GPR139: variants seen among roughly 807,000 people sequenced by gnomAD.
GPR139 encodes G protein-coupled receptor 139, also known as probable G protein-coupled receptor 139.
GPR139 carries 12 observed loss-of-function variants against 25.8 expected under a neutral mutation model. That is an observed-to-expected ratio of 0.47 (90% confidence interval 0.30 to 0.75). The LOEUF (loss-of-function observed/expected upper bound fraction) is 0.75, where lower values mean the gene tolerates loss of function less well. Ranked by LOEUF, GPR139 falls within the 30% of genes least tolerant of loss-of-function variation. The pLI is 0.07. For missense variants in GPR139, 380 were observed against 450.2 expected, an observed-to-expected ratio of 0.84 and a Z score of 1.41; for synonymous variants, 184 against 179.9, an observed-to-expected ratio of 1.02 and a Z score of -0.18.
intron 1 of GPR139, among the ~76,000 whole-genome samples, chr16:20,041,134 AGG>A (rs2057329398): frequency 4.7e-3 from 2 of 430 alleles, no homozygotes; most frequent in African/African-American, 0.048. Context: ...AGGAAAGGAG[AGG>A]AGAGGAGAGG....
At chr16:20,055,127 A>G (rs1008124756) in intron 1 of GPR139, among the ~76,000 whole-genome samples, 3 of 142,796 alleles carry the variant, frequency 2.1e-5, no homozygotes, top group Non-Finnish European at 4.5e-5. Context: ...GATAGGCCCA[A>G]TGTGTGTTGT....
chr16:20,068,642 A>G (rs2057445922), intron 1 of GPR139, among the ~76,000 whole-genome samples: 1 of 152,136 alleles, frequency 6.6e-6, no homozygotes, highest in Non-Finnish European at 1.5e-5. Flanking sequence ...TTCTTCCAGT[A>G]TGATGTTTAA....
chr16:20,053,784 TAAGCATTCATAGATG>T (rs1567238469), intron 1 of GPR139, among the ~76,000 whole-genome samples: 1 of 151,970 alleles, frequency 6.6e-6, no homozygotes, highest in Non-Finnish European at 1.5e-5. Flanking sequence ...CGCATTCTCA[TAAGCATTCATAGATG>T]AAGAATTCTA....
chr16:20,064,241 T>C (rs2057423771), intron 1 of GPR139, among the ~76,000 whole-genome samples: 2 of 152,152 alleles, frequency 1.3e-5, no homozygotes, highest in Non-Finnish European at 2.9e-5. Context: ...ATGGGGATGT[T>C]TGGACTCATA....
At chr16:20,057,445 C>A (rs77629183) in intron 1 of GPR139, among the ~76,000 whole-genome samples, 6,847 of 152,090 alleles carry the variant, frequency 0.045, 228 homozygotes, top group Non-Finnish European at 0.072. Context: ...CTTCAGTATT[C>A]TTGGAGGCTA....
chr16:20,072,655 G>C (rs963171398), intron 1 of GPR139, among the ~76,000 whole-genome samples: 2 of 152,114 alleles, frequency 1.3e-5, no homozygotes, highest in African/African-American at 4.8e-5. Flanking sequence ...CCTCCTTCTC[G>C]GCAGCTCAGC....
chr16:20,051,062 C>CAAA lies in GPR139; in HGVS notation c.128-18396_128-18394dup, dbSNP rs3041359. ...TGGGCAACAGAGCAAGACCCTGTTT[C>CAAA]AAAAAAAAAAAAAGAAAGAAAGAAA... On this transcript the variant is annotated intron_variant, in intron 1 of 1. Transcript: ENST00000570682. Among the ~76,000 whole-genome samples, 120 of 121,352 alleles carry CAAA rather than the reference C, an allele frequency of 9.9e-4. 5 individuals are homozygous for CAAA. The highest frequency in any genetic ancestry group is 2.2e-3 in the African/African-American group (69 of 31,494). The allele number at this position is 121,352 out of a possible 152,430, so 79.6% of individuals were successfully genotyped here.
chr16:20,032,991 G>A (rs187469067), intron 1 of GPR139, among the ~76,000 whole-genome samples: 1 of 151,116 alleles, frequency 6.6e-6, no homozygotes, highest in Non-Finnish European at 1.5e-5. Context: ...ACCATGAGTG[G>A]TGTTGCCGCC....
chr16:20,042,239 A>C (rs1296129491), intron 1 of GPR139, among the ~76,000 whole-genome samples: 2 of 152,212 alleles, frequency 1.3e-5, no homozygotes. Context: ...CATAGTAAGC[A>C]CTCAGAAAAC....
rs1423686424 is a variant in GPR139, at chr16:20,029,509, T to C, written c.*2226A>G. ...AATATATATATATATATATATTCAG[T>C]ATAGGTAGCCTTTGGTCAATGTCCA... On this transcript the variant is annotated 3_prime_UTR_variant, in exon 2 of 2. Coordinates refer to ENST00000570682, the MANE Select transcript of GPR139 (RefSeq NM_001002911.4). Among the ~76,000 whole-genome samples, 1 of 150,534 alleles carries C rather than the reference T, an allele frequency of 6.6e-6. No individual in the cohort carries two copies. The highest frequency in any genetic ancestry group is 1.9e-4 in the East Asian group (1 of 5,164).
At chr16:20,051,406 G>T (rs2141208774) in intron 1 of GPR139, among the ~76,000 whole-genome samples, 1 of 152,276 alleles carries the variant, frequency 6.6e-6, no homozygotes, top group East Asian at 1.9e-4. Context: ...GCTCCCCAAG[G>T]CTACCTCCCT....
In GPR139 at chr16:20,032,559, T is replaced by A. The variant is rs1464793851; in HGVS notation, c.238A>T (p.Ile80Leu). The A allele has an allele frequency of 6.2e-7, 1 of 1,613,922 alleles. No homozygotes were observed. Among genetic ancestry groups the A allele is most frequent in the African/African-American group, 1.3e-5 (1 of 74,880 alleles). The change falls in exon 2 of 2, where the codon ATA becomes TTA. Residue 80 changes from isoleucine (I) to leucine (L), a missense_variant. Physicochemically the swap from Ile to Leu is conservative, Grantham distance 5. Transcript: ENST00000570682. ...TCCAACAGGAAGTCCACAAACACTA[T>A]GAAAAAGAGGACCAAGATGTCGGCA... Reference protein sequence around the residue: ...AAADILVLFFIVFVDFLLEDF... With the variant: ...AAADILVLFFLVFVDFLLEDF...
At chr16:20,069,260 A>G (rs977906609) in intron 1 of GPR139, among the ~76,000 whole-genome samples, 9 of 63,764 alleles carry the variant, frequency 1.4e-4, no homozygotes, top group South Asian at 4.1e-4. Flanking sequence ...ACTGTAGACT[A>G]TTCTTATAAT....
In GPR139 at chr16:20,032,274, T is replaced by TGTA; in HGVS notation, c.520_522dup (p.Tyr174dup). 3 of 1,614,166 alleles carry TGTA rather than the reference T, an allele frequency of 1.9e-6. No homozygotes were observed. Among genetic ancestry groups the TGTA allele is most frequent in the Non-Finnish European group, 2.5e-6 (3 of 1,180,018 alleles). On this transcript the variant is annotated inframe_insertion, in exon 2 of 2. Coordinates refer to ENST00000570682, the MANE Select transcript of GPR139 (RefSeq NM_001002911.4). ...AGGACGTGATGCACAGAGGTGCTGA[T>TGTA]GTAGTCTTCAGTCCAGATGTTGGGC...
At chr16:20,034,103 A>G (rs538609912) in intron 1 of GPR139, among the ~76,000 whole-genome samples, 4 of 152,206 alleles carry the variant, frequency 2.6e-5, no homozygotes, top group African/African-American at 9.6e-5. Context: ...ATTTTCATTC[A>G]TTCTCACAGT....
intron 1 of GPR139, among the ~76,000 whole-genome samples, chr16:20,040,260 C>T (rs2057325311): frequency 6.6e-6 from 1 of 152,132 alleles, no homozygotes; most frequent in Non-Finnish European, 1.5e-5. Context: ...GGAACCGTGA[C>T]AAATAATCGT....
Position 20,032,578 on chromosome 16 carries a change from G to A in GPR139, c.219C>T (p.Asp73=). The A allele has an allele frequency of 6.2e-7, 1 of 1,614,154 alleles. No homozygotes were observed. Among genetic ancestry groups the A allele is most frequent in the Non-Finnish European group, 8.5e-7 (1 of 1,179,984 alleles). The stretch of plus-strand genomic sequence containing the variant: ...ACACTATGAAAAAGAGGACCAAGAT[G>A]TCGGCAGCAGCGAGTGCCAAGAGAT... ...YNYLLALAAA[D]ILVLFFIVFV... The change falls in exon 2 of 2, where the codon GAC becomes GAT. Residue 73 remains aspartate (D), a synonymous_variant. Transcript: ENST00000570682.
At position 20,028,626 on chromosome 16, in the gene GPR139, G is replaced by T. The variant is rs1247635804; in HGVS notation, c.*3109C>A. 1.3e-5 allele frequency among the ~76,000 whole-genome samples: 2 copies of T among 152,064 alleles called. No homozygotes were observed. The highest frequency in any genetic ancestry group is 2.9e-5 in the Non-Finnish European group (2 of 68,004). On this transcript the variant is annotated 3_prime_UTR_variant, in exon 2 of 2. Transcript: ENST00000570682. ...CAAAGTGATCTTTTCCAATAGCAGGGTGTTTGCAACACACAAGTTCGTGCC... is the reference window on the plus strand; with the variant it reads ...CAAAGTGATCTTTTCCAATAGCAGGTTGTTTGCAACACACAAGTTCGTGCC...
intron 1 of GPR139, among the ~76,000 whole-genome samples, chr16:20,072,125 G>A (rs1370501119): frequency 6.6e-6 from 1 of 152,168 alleles, no homozygotes; most frequent in Non-Finnish European, 1.5e-5. Flanking sequence ...TACAGGACAT[G>A]TGCTACCACC....
Sources: gnomAD v4.1 joint callset for allele counts (sites outside exome capture counted in the v4.1 genomes callset) on GRCh38, gnomAD v4.1.1 for gene constraint, MANE v1.5 for transcripts, NCBI Gene and HGNC (gene_info 2026-07-23, HGNC 2026-07-21) for gene names.